Variants in NRXN3 observed in about 807,000 individuals in gnomAD.
The protein encoded by NRXN3 is neurexin III.
A neutral mutation model predicts 137.6 loss-of-function variants in NRXN3; 32 were observed. That is an observed-to-expected ratio of 0.23 (90% CI 0.18 to 0.31). The LOEUF (loss-of-function observed/expected upper bound fraction) is 0.31. NRXN3 is among the 10% of genes least tolerant of loss of function. The probability of loss-of-function intolerance (pLI) is 1.00; values close to 1 mark genes in which losing one functional copy is unlikely to be tolerated. For synonymous variants in NRXN3, 798 were observed against 784.5 expected (o/e 1.02, Z -0.29); for missense variants, 1,574 against 2,062.5 (o/e 0.76, Z 4.59).
intron 15 of NRXN3, among the ~76,000 whole-genome samples, chr14:79,221,070 A>C (rs2069549174): frequency 6.6e-6 from 1 of 152,186 alleles, no homozygotes; most frequent in Non-Finnish European, 1.5e-5. Context: ...ATGTCCCTGC[A>C]AAGGACATGA....
intron 17 of NRXN3, among the ~76,000 whole-genome samples, chr14:79,680,519 T>C (rs1034842053): frequency 1.3e-5 from 2 of 152,020 alleles, no homozygotes. Flanking sequence ...GTTTCTATTG[T>C]TGTGTGTTAG....
At chr14:79,373,403 G>A (rs1200808776) in intron 15 of NRXN3, among the ~76,000 whole-genome samples, 2 of 152,174 alleles carry the variant, frequency 1.3e-5, no homozygotes, top group African/African-American at 4.8e-5. Flanking sequence ...ATATGTAATT[G>A]TAAGAAGTGT....
chr14:78,695,693 G>A (rs907333188), intron 6 of NRXN3: 1 of 151,994 alleles, frequency 6.6e-6, no homozygotes, highest in Non-Finnish European at 1.5e-5. Flanking sequence ...GTAGATTGTG[G>A]TCCATCTCTG....
At chr14:79,421,746 T>C (rs1394732342) in intron 15 of NRXN3, among the ~76,000 whole-genome samples, 2 of 152,198 alleles carry the variant, frequency 1.3e-5, no homozygotes, top group Non-Finnish European at 2.9e-5. Flanking sequence ...CAACATGGCA[T>C]AAAAGTATTA....
intron 15 of NRXN3, among the ~76,000 whole-genome samples, chr14:79,118,772 C>CG (rs2054909836): frequency 6.6e-6 from 1 of 152,190 alleles, no homozygotes; most frequent in Non-Finnish European, 1.5e-5. Context: ...CCTTTTTTAG[C>CG]ACCCAAATTA....
In NRXN3 at chr14:79,158,972, T is replaced by C. The variant is rs111357760; in HGVS notation, c.3262+170831T>C. On this transcript the variant is annotated intron_variant, in intron 15 of 20. Coordinates refer to ENST00000335750, the MANE Select transcript of NRXN3 (RefSeq NM_001330195.2). ...AATTGCTCGTGTTTGATGAGAAGAA[T>C]GAGCAGGAGCACTGTTGTAGTGGAT... 1.7e-3 allele frequency among the ~76,000 whole-genome samples: 259 copies of C among 151,952 alleles called. 1 individual carries two copies. Among genetic ancestry groups the C allele is most frequent in the African/African-American group, 5.6e-3 (234 of 41,538 alleles).
chr14:78,503,787 C>T (rs1355443994), intron 4 of NRXN3, among the ~76,000 whole-genome samples: 1 of 152,128 alleles, frequency 6.6e-6, no homozygotes, highest in Non-Finnish European at 1.5e-5. Flanking sequence ...CACCGTATGT[C>T]CTAGTTTCTC....
intron 4 of NRXN3, among the ~76,000 whole-genome samples, chr14:78,500,594 T>C (rs543946279): frequency 2.6e-4 from 40 of 152,180 alleles, no homozygotes; most frequent in Non-Finnish European, 2.9e-5. Context: ...CCCCGCCAAA[T>C]AGATGAGCTG....
intron 15 of NRXN3, among the ~76,000 whole-genome samples, chr14:79,154,123 A>T (rs2060040796): frequency 6.6e-6 from 1 of 151,926 alleles, no homozygotes; most frequent in Non-Finnish European, 1.5e-5. Flanking sequence ...CAGGAATATA[A>T]CCAACCAGGG....
At chr14:78,190,866 G>A (rs910487504) in intron 1 of NRXN3, among the ~76,000 whole-genome samples, 1 of 151,910 alleles carries the variant, frequency 6.6e-6, no homozygotes, top group African/African-American at 2.4e-5. Context: ...TAGAGATGGG[G>A]TTTCACCATG....
intron 15 of NRXN3, among the ~76,000 whole-genome samples, chr14:79,114,612 T>C (rs1007139190): frequency 1.3e-5 from 2 of 152,212 alleles, no homozygotes; most frequent in Non-Finnish European, 2.9e-5. Flanking sequence ...AGGCTTCTGG[T>C]TTTGAAAGTT....
Position 78,967,378 on chromosome 14 carries a change from C to A in NRXN3, c.2948C>A (p.Ala983Asp). ...GTGGTCACTCAGGTTATCAATGGTGCCAAAAATCTGGATTTGAAAGGTAAA... is the reference window on the plus strand; with the variant it reads ...GTGGTCACTCAGGTTATCAATGGTGACAAAAATCTGGATTTGAAAGGTAAA... ...TKVVTQVING[A>D]KNLDLKGDLY... is the part of the protein sequence containing the mutation. The change falls in exon 13 of 21, where the codon GCC (alanine) becomes GAC (aspartate). Residue 983 changes from alanine to aspartate, a missense_variant. Transcript: ENST00000335750. 6.2e-7 allele frequency: 1 copy of A among 1,612,388 alleles called. No individual in the cohort carries two copies. Among genetic ancestry groups the A allele is most frequent in the Non-Finnish European group, 8.5e-7 (1 of 1,179,130 alleles).
intron 4 of NRXN3, among the ~76,000 whole-genome samples, chr14:78,371,197 A>C (rs773121598): frequency 6.6e-6 from 1 of 152,116 alleles, no homozygotes; most frequent in East Asian, 1.9e-4. Context: ...CTGTGCCCCT[A>C]TAAACCCCAG....
intron 14 of NRXN3, among the ~76,000 whole-genome samples, chr14:78,980,264 G>C (rs1021308582): frequency 1.3e-5 from 2 of 152,164 alleles, no homozygotes; most frequent in Non-Finnish European, 2.9e-5. Flanking sequence ...TGGCCTCCAG[G>C]CCTGTCACTT....
At chr14:79,300,519 A>C (rs1443542064) in intron 15 of NRXN3, among the ~76,000 whole-genome samples, 2 of 151,952 alleles carry the variant, frequency 1.3e-5, no homozygotes, top group East Asian at 1.9e-4. Flanking sequence ...CATATCTGCC[A>C]GTTGGTTCTG....
intron 4 of NRXN3, among the ~76,000 whole-genome samples, chr14:78,322,956 G>A (rs896834609): frequency 1.3e-5 from 2 of 151,900 alleles, no homozygotes; most frequent in Non-Finnish European, 2.9e-5. Flanking sequence ...TGTCACCTTC[G>A]TGTCTCCCCA....
intron 19 of NRXN3, among the ~76,000 whole-genome samples, chr14:79,803,945 GTA>G (rs35861492): frequency 0.13 from 18,732 of 140,426 alleles, 1,505 homozygotes; most frequent in Middle Eastern, 0.24. Flanking sequence ...ATATATATAT[GTA>G]TATATATATA....
At chr14:79,050,386 C>T (rs950865477) in intron 15 of NRXN3, among the ~76,000 whole-genome samples, 3 of 152,174 alleles carry the variant, frequency 2.0e-5, no homozygotes, top group African/African-American at 7.2e-5. Flanking sequence ...TCAGTGCAAA[C>T]ACTTGAACCA....
chr14:79,793,412 C>T (rs543684651), intron 19 of NRXN3, among the ~76,000 whole-genome samples: 85 of 152,234 alleles, frequency 5.6e-4, no homozygotes, highest in Admixed American at 1.1e-3. Context: ...GAGACTCCGT[C>T]TCAAAAAAAC....
Sources: gnomAD v4.1 joint callset for allele counts (sites outside exome capture counted in the v4.1 genomes callset) on GRCh38, gnomAD v4.1.1 for gene constraint, MANE v1.5 for transcripts, NCBI Gene and HGNC (gene_info 2026-07-23, HGNC 2026-07-21) for gene names.